The following SLC12A3 variants were observed in gnomAD, a reference collection of about 807,000 sequenced individuals.
SLC12A3 encodes solute carrier family 12 member 3, also known as Na-Cl cotransporter.
A neutral mutation model predicts 121.0 loss-of-function variants in SLC12A3; 104 were observed. The observed-to-expected ratio is 0.86, with a 90% CI of 0.73 to 1.01. SLC12A3 has a LOEUF of 1.01. Ranked by LOEUF, SLC12A3 falls within the 50% of genes least tolerant of loss-of-function variation. The probability of loss-of-function intolerance (pLI) is 0.00; values close to 1 mark genes in which losing one functional copy is unlikely to be tolerated. For missense variants in SLC12A3, 1,328 were observed against 1,356.3 expected (o/e 0.98, Z 0.33); for synonymous variants, 536 against 533.4 (o/e 1.00, Z -0.07).
At chr16:56,905,513 C>A (rs1323021972) in intron 25 of SLC12A3, among the ~76,000 whole-genome samples, 1 of 152,000 alleles carries the variant, frequency 6.6e-6, no homozygotes, top group Non-Finnish European at 1.5e-5. Flanking sequence ...TGGTGATGTA[C>A]CCCACTCCCA....
At chr16:56,871,024 G>C (rs1037590778) in intron 6 of SLC12A3, among the ~76,000 whole-genome samples, 1 of 151,998 alleles carries the variant, frequency 6.6e-6, no homozygotes, top group Admixed American at 6.6e-5. Context: ...TTGTAGAGAC[G>C]GGGTTTCACC....
intron 8 of SLC12A3, among the ~76,000 whole-genome samples, chr16:56,873,826 C>T (rs1475121818): frequency 6.6e-6 from 1 of 151,956 alleles, no homozygotes; most frequent in Non-Finnish European, 1.5e-5. Flanking sequence ...ATTCTCATGC[C>T]TCAGCCTCCA....
At chr16:56,882,035 C>T (rs79335815) in intron 12 of SLC12A3, among the ~76,000 whole-genome samples, 15,921 of 143,750 alleles carry the variant, frequency 0.11, 948 homozygotes, top group Middle Eastern at 0.17. Context: ...GGTGACAGAG[C>T]GAGAGTCCGT....
intron 10 of SLC12A3, 84 bp from the exon 11 acceptor site, chr16:56,879,458 C>A: frequency 2.4e-6 from 3 of 1,230,640 alleles, no homozygotes; most frequent in Non-Finnish European, 3.6e-6. Context: ...CCAGCCCCTG[C>A]CCGCAGTAGG....
intron 3 of SLC12A3, 24 bp from the exon 4 acceptor site, chr16:56,869,705 C>G (rs776491752): frequency 1.2e-5 from 19 of 1,608,234 alleles, no homozygotes; most frequent in Non-Finnish European, 1.7e-6. Context: ...AATGCCCTGC[C>G]TAAGCTTTGG....
At position 56,890,272 on chromosome 16, in the gene SLC12A3, A is replaced by T. The variant is rs1200937984; in HGVS notation, c.2286-2A>T. ...GCTGGACCTCACCTCCTCTCTTTCC[A>T]GTGATGCCTTTGATTTCAACTATGG... On this transcript the variant is annotated splice_acceptor_variant, in intron 18 of 25. Transcript: ENST00000563236. LOFTEE classifies it high-confidence loss of function. 1 of 1,613,770 alleles carries T rather than the reference A, an allele frequency of 6.2e-7. No homozygotes were observed. The highest frequency in any genetic ancestry group is 8.5e-7 in the Non-Finnish European group (1 of 1,179,692).
At chr16:56,888,577 G>A (rs866846153) in intron 18 of SLC12A3, among the ~76,000 whole-genome samples, 3 of 5,752 alleles carry the variant, frequency 5.2e-4, no homozygotes, top group South Asian at 3.6e-3. Context: ...TTTTTTTTTT[G>A]AGACGGAGTC....
In SLC12A3 at chr16:56,894,525, T is replaced by A; in HGVS notation, c.2522-6T>A. 5.0e-6 allele frequency: 8 copies of A among 1,608,338 alleles called. No individual in the cohort carries two copies. The highest frequency in any genetic ancestry group is 6.8e-6 in the Non-Finnish European group (8 of 1,175,742). On this transcript the variant is annotated splice_region_variant and splice_polypyrimidine_tract_variant and intron_variant, in intron 21 of 25. Transcript: ENST00000563236. ...TGTCATGACTCACGGGGACTCTCCTTGCCAGGCCTCACCCTCCTCATTCCC... is the reference window on the plus strand; with the variant it reads ...TGTCATGACTCACGGGGACTCTCCTAGCCAGGCCTCACCCTCCTCATTCCC...
At chr16:56,880,392 C>A in intron 12 of SLC12A3, 139 bp downstream of exon 12, 1 of 1,096,852 alleles carries the variant, frequency 9.1e-7, no homozygotes, top group Non-Finnish European at 1.3e-6. Flanking sequence ...GAGGCTAAGT[C>A]TTGAGGGGTG....
chr16:56,882,287 G>A (rs1385753229), intron 12 of SLC12A3, 109 bp from the exon 13 acceptor site: 2 of 836,144 alleles, frequency 2.4e-6, no homozygotes, highest in Non-Finnish European at 4.2e-6. Flanking sequence ...GAGACTGACT[G>A]AGCCTTGGTG....
chr16:56,891,187 A>C (rs918304511), intron 19 of SLC12A3, among the ~76,000 whole-genome samples: 1 of 151,746 alleles, frequency 6.6e-6, no homozygotes, highest in Non-Finnish European at 1.5e-5. Context: ...CAGCCTGGGT[A>C]ACATAGCAAG....
At chr16:56,894,712 C>T (rs971953419) in intron 22 of SLC12A3, 70 bp downstream of exon 22, 1 of 1,189,378 alleles carries the variant, frequency 8.4e-7, no homozygotes, top group African/African-American at 1.5e-5. Context: ...CCAAGGCTGT[C>T]CCCTACCCTA....
chr16:56,895,525 A>G (rs1423691028), intron 22 of SLC12A3, among the ~76,000 whole-genome samples: 3 of 149,378 alleles, frequency 2.0e-5, no homozygotes, highest in African/African-American at 4.9e-5. Context: ...AATATTTTAT[A>G]TATATTTAAA....
chr16:56,904,137 T>C (rs1204780353), intron 24 of SLC12A3: 4 of 441,966 alleles, frequency 9.1e-6, no homozygotes, highest in South Asian at 8.0e-5. Flanking sequence ...CTCTTCCCTC[T>C]ACCCTGCTGG....
intron 3 of SLC12A3, 103 bp from the exon 4 acceptor site, chr16:56,869,626 C>A: frequency 1.1e-6 from 1 of 916,958 alleles, no homozygotes; most frequent in Non-Finnish European, 1.8e-6. Flanking sequence ...AAAACTGAAG[C>A]TCAGAGAAGG....
chr16:56,904,127 C>G (rs534595954), intron 24 of SLC12A3: 1 of 418,914 alleles, frequency 2.4e-6, no homozygotes, highest in Non-Finnish European at 4.5e-6. Context: ...AAGGTGTTCT[C>G]TCTTCCCTCT....
At chr16:56,868,696 C>G (rs1339629925) in intron 3 of SLC12A3, among the ~76,000 whole-genome samples, 3 of 152,220 alleles carry the variant, frequency 2.0e-5, no homozygotes, top group East Asian at 3.9e-4. Context: ...GGCACGGTGG[C>G]TCACGCTTTG....
intron 25 of SLC12A3, chr16:56,904,745 A>G: frequency 9.5e-6 from 4 of 419,628 alleles, no homozygotes; most frequent in Non-Finnish European, 1.8e-5. Flanking sequence ...GCCTTTTCCT[A>G]CCAAATTCCA....
chr16:56,866,974 C>T (rs1402125710), intron 1 of SLC12A3, 96 bp from the exon 2 acceptor site: 23 of 1,534,738 alleles, frequency 1.5e-5, no homozygotes, highest in Middle Eastern at 3.7e-4. Flanking sequence ...GGGGGGTGCT[C>T]GGTATGGGGC....
Sources: gnomAD v4.1 joint callset for allele counts (sites outside exome capture counted in the v4.1 genomes callset) on GRCh38, gnomAD v4.1.1 for gene constraint, MANE v1.5 for transcripts, NCBI Gene and HGNC (gene_info 2026-07-23, HGNC 2026-07-21) for gene names.